The following RAPH1 variants were observed in gnomAD, a reference collection of about 807,000 sequenced individuals.
RAPH1 encodes ras-associated and pleckstrin homology domains-containing protein 1.
A neutral mutation model predicts 88.1 loss-of-function variants in RAPH1; 18 were observed. The ratio of observed to expected loss-of-function variants is 0.20; its 90% CI spans 0.14 to 0.30. The LOEUF is 0.30. RAPH1 is among the 10% of genes least tolerant of loss of function. The pLI is 1.00. For synonymous variants in RAPH1, 587 were observed against 559.0 expected (o/e 1.05, Z -0.71); for missense variants, 1,448 against 1,543.2 (o/e 0.94, Z 1.03).
rs747856458 is a variant in RAPH1, at chr2:203,439,771, T to G, written c.3419A>C (p.Glu1140Ala). ...STRLTQAEIS[E>A]QPTMATVVPQ... is the part of the protein sequence containing the mutation. ...CACAACTGTGGCCATTGTTGGCTGC[T>G]CAGAAATCTCAGCTTGAGTGAGGCG... is the stretch of plus-strand genomic sequence containing the variant. The change falls in exon 14 of 14, where the codon GAG (glutamate) becomes GCG (alanine). Residue 1140 changes from glutamate to alanine, a missense_variant. This residue lies in a region of RAPH1 where 935 missense variants were observed against 890.1 expected (regional missense o/e 1.05). Coordinates refer to ENST00000319170, the MANE Select transcript of RAPH1 (RefSeq NM_213589.3). The G allele has an allele frequency of 1.2e-6, 2 of 1,614,058 alleles. No individual in the cohort carries two copies. The highest frequency in any genetic ancestry group is 2.7e-5 in the African/African-American group (2 of 74,918).
intron 1 of RAPH1, among the ~76,000 whole-genome samples, chr2:203,534,511 C>A (rs1456161454): frequency 5.3e-5 from 3 of 56,104 alleles, no homozygotes; most frequent in Non-Finnish European, 9.9e-5. Flanking sequence ...TCCGTCCACC[C>A]CCCCCCCCCC....
intron 2 of RAPH1, among the ~76,000 whole-genome samples, chr2:203,491,768 T>C (rs2105836042): frequency 6.6e-6 from 1 of 152,326 alleles, no homozygotes; most frequent in Middle Eastern, 3.4e-3. Flanking sequence ...TCCATCTCCC[T>C]AAGTGTTGAG....
intron 8 of RAPH1, 31 bp from the exon 9 acceptor site, chr2:203,455,611 A>G: frequency 6.2e-7 from 1 of 1,601,858 alleles, no homozygotes; most frequent in Non-Finnish European, 8.5e-7. Context: ...GCAAAGACTT[A>G]TGATCGTTGG....
intron 4 of RAPH1, among the ~76,000 whole-genome samples, chr2:203,471,547 G>A (rs2098533073): frequency 6.6e-6 from 1 of 152,100 alleles, no homozygotes; most frequent in South Asian, 2.1e-4. Context: ...GGGAGGCAGA[G>A]GTTTCAGTGA....
chr2:203,514,458 A>C (rs1689505722), intron 1 of RAPH1, among the ~76,000 whole-genome samples: 1 of 152,208 alleles, frequency 6.6e-6, no homozygotes, highest in South Asian at 2.1e-4. Context: ...GTGTACAACA[A>C]AATATGGATT....
intron 1 of RAPH1, among the ~76,000 whole-genome samples, chr2:203,514,553 TG>T (rs1241961219): frequency 1.3e-5 from 2 of 151,832 alleles, no homozygotes; most frequent in Non-Finnish European, 2.9e-5. Context: ...CTAAAATTTG[TG>T]GGGTTTTTTT....
rs1559494819 is a variant in RAPH1 at position 203,506,854 on chromosome 2, A to ATATC, written c.1-11502_1-11501insGATA. On this transcript the variant is annotated intron_variant, in intron 1 of 13. Transcript: ENST00000319170. Reference sequence around the variant, plus strand: ...TATCTATATCTATATATCTATCTATATCTATATATATATATATATATATAT... The same window carrying ATATC: ...TATCTATATCTATATATCTATCTATATATCTCTATATATATATATATATATATAT... Among the ~76,000 whole-genome samples the ATATC allele has an allele frequency of 3.3e-4, 20 of 60,320 alleles. 1 individual carries two copies. The highest frequency in any genetic ancestry group is 2.0e-4 in the Admixed American group (1 of 4,892). The allele number at this position is 60,320 out of a possible 152,430, so 39.6% of individuals were successfully genotyped here.
At chr2:203,506,279 G>T (rs1401667060) in intron 1 of RAPH1, among the ~76,000 whole-genome samples, 1 of 152,156 alleles carries the variant, frequency 6.6e-6, no homozygotes, top group Non-Finnish European at 1.5e-5. Context: ...TGTGTATTAT[G>T]TGTTTGTAGG....
intron 1 of RAPH1, among the ~76,000 whole-genome samples, chr2:203,501,433 G>A (rs1688735112): frequency 1.3e-5 from 2 of 152,232 alleles, no homozygotes; most frequent in Non-Finnish European, 1.5e-5. Flanking sequence ...TGCCCAAATG[G>A]AAACTGGGAA....
intron 2 of RAPH1, among the ~76,000 whole-genome samples, chr2:203,492,385 A>T (rs1688308890): frequency 6.6e-6 from 1 of 152,146 alleles, no homozygotes; most frequent in Non-Finnish European, 1.5e-5. Context: ...AAGACCCAAG[A>T]CTCACTAATT....
intron 1 of RAPH1, among the ~76,000 whole-genome samples, chr2:203,508,621 T>A (rs984732026): frequency 6.6e-6 from 1 of 152,030 alleles, no homozygotes; most frequent in Non-Finnish European, 1.5e-5. Context: ...AAAAAAAATC[T>A]GCATACAAGC....
Position 203,435,087 on chromosome 2 carries a change from A to C in RAPH1, c.*4350T>G, listed in dbSNP as rs1345024637. On this transcript the variant is annotated 3_prime_UTR_variant, in exon 14 of 14. Coordinates refer to ENST00000319170, the MANE Select transcript of RAPH1 (RefSeq NM_213589.3). ...AACAAGCAAAGAGCAAACCAACTGGAGAAATGTATGTTTTTTCTTTTTATT... is the reference window on the plus strand; with the variant it reads ...AACAAGCAAAGAGCAAACCAACTGGCGAAATGTATGTTTTTTCTTTTTATT... The C allele has an allele frequency of 6.6e-6, 1 of 152,622 alleles. No homozygotes were observed. The highest frequency in any genetic ancestry group is 1.5e-5 in the Non-Finnish European group (1 of 68,044). 9.5% of individuals were successfully genotyped at this position (152,622 alleles called of 1,614,324 possible). A position where few individuals can be genotyped will look rare whatever the true frequency, so the allele number is the denominator to read the frequency against.
Position 203,476,140 on chromosome 2 carries a change from GTAA to G in RAPH1, c.732+13441_732+13443del, listed in dbSNP as rs1687430792. Among the ~76,000 whole-genome samples, 8 of 152,150 alleles carry G rather than the reference GTAA, an allele frequency of 5.3e-5. No individual in the cohort carries two copies. In the South Asian group the frequency reaches 1.7e-3, roughly 32 times the overall value. ...CCAAAAATATCCAAAATTTTAACAA[GTAA>G]TAAATACAAATAAATTTTGTTGTTT... On this transcript the variant is annotated intron_variant, in intron 4 of 13. Transcript: ENST00000319170.
At position 203,441,027 on chromosome 2, in the gene RAPH1, T is replaced by C; in HGVS notation, c.2163A>G (p.Pro721=). 1.5e-6 allele frequency: 1 copy of C among 687,132 alleles called. No homozygotes were observed. Among genetic ancestry groups the C allele is most frequent in the Non-Finnish European group, 2.0e-6 (1 of 500,004 alleles). The allele number at this position is 687,132 out of a possible 1,614,324, so 42.6% of individuals were successfully genotyped here. ...PPPPPPPPPT[P]GSAMAQLKPA... ...GCTTTAGCTGGGCCATGGCAGAGCCTGGGGTTGGGGGTGGAGGAGGGGGAG... is the reference window on the plus strand; with the variant it reads ...GCTTTAGCTGGGCCATGGCAGAGCCCGGGGTTGGGGGTGGAGGAGGGGGAG... The change falls in exon 14 of 14, where the codon CCA becomes CCG. Residue 721 remains proline, a synonymous_variant. Transcript: ENST00000319170.
chr2:203,439,754 T>A lies in RAPH1; in HGVS notation c.3436A>T (p.Thr1146Ser), dbSNP rs1244030806. ...GAGGTGGGCACTTGTGGCACAACTG[T>A]GGCCATTGTTGGCTGCTCAGAAATC... ...AEISEQPTMATVVPQVPTSPK... is the reference protein window; with the variant it reads ...AEISEQPTMASVVPQVPTSPK... The change falls in exon 14 of 14, where the codon ACA becomes TCA. Residue 1146 changes from threonine (T) to serine (S), a missense_variant. Around this residue, in one of 2 missense-constraint regions of RAPH1, gnomAD observed 935 missense variants for 890.1 expected, o/e 1.05. Coordinates refer to ENST00000319170, the MANE Select transcript of RAPH1 (RefSeq NM_213589.3). The A allele has an allele frequency of 8.1e-6, 13 of 1,614,004 alleles. No homozygotes were observed. The highest frequency in any genetic ancestry group is 1.1e-5 in the Non-Finnish European group (13 of 1,180,032).
rs541215148 is a variant in RAPH1, at chr2:203,455,478, G to C, written c.1261C>G (p.Arg421Gly). The change falls in exon 9 of 14, where the codon CGA becomes GGA. Residue 421 changes from arginine (R) to glycine (G), a missense_variant. By Grantham distance (125) the Arg-to-Gly change is moderately radical (BLOSUM62 -2). Coordinates refer to ENST00000319170, the MANE Select transcript of RAPH1 (RefSeq NM_213589.3). The stretch of plus-strand genomic sequence containing the variant: ...GGAACATAGTAGATACCAGATGCTC[G>C]CAAGAGAAAATAACGCTTTTTCCAG... ...KSWKKRYFLL[R>G]ASGIYYVPKG... 3.7e-6 allele frequency: 6 copies of C among 1,613,840 alleles called. No individual in the cohort carries two copies. In the African/African-American group the frequency reaches 4.0e-5, roughly 11 times the overall value.
Position 203,438,296 on chromosome 2 carries a change from C to A in RAPH1, c.*1141G>T. The A allele has an allele frequency of 4.6e-6, 2 of 439,290 alleles. No homozygotes were observed. The highest frequency in any genetic ancestry group is 3.3e-5 in the South Asian group (2 of 59,900). The allele number at this position is 439,290 out of a possible 1,614,324, so 27.2% of individuals were successfully genotyped here. A position where few individuals can be genotyped will look rare whatever the true frequency, so the allele number is the denominator to read the frequency against. Reference sequence around the variant, plus strand: ...CCATATACAACCAGATTAATGACACCTGTACAGGGGCCAGTTCTGTTCTCT... The same window carrying A: ...CCATATACAACCAGATTAATGACACATGTACAGGGGCCAGTTCTGTTCTCT... On this transcript the variant is annotated 3_prime_UTR_variant, in exon 14 of 14. Transcript: ENST00000319170.
intron 3 of RAPH1, 101 bp downstream of exon 3, chr2:203,491,113 G>C: frequency 1.6e-6 from 1 of 636,750 alleles, no homozygotes; most frequent in Non-Finnish European, 2.7e-6. Flanking sequence ...TATGCATGTA[G>C]CTTTTATATC....
intron 1 of RAPH1, among the ~76,000 whole-genome samples, chr2:203,525,429 C>A (rs565796085): frequency 6.6e-6 from 1 of 152,036 alleles, no homozygotes; most frequent in East Asian, 1.9e-4. Context: ...AATCCACCAC[C>A]CCCTTGGCCT....
Sources: gnomAD v4.1 joint callset for allele counts (sites outside exome capture counted in the v4.1 genomes callset) on GRCh38, gnomAD v4.1.1 for gene constraint, gnomAD v4.1.1 regional missense constraint, MANE v1.5 for transcripts, NCBI Gene and HGNC (gene_info 2026-07-23, HGNC 2026-07-21) for gene names.